Variants in TYW1B observed in about 807,000 individuals in gnomAD.
TYW1B encodes the protein tRNA-yW synthesizing protein 1 homolog B.
TYW1B carries 73 observed loss-of-function variants against 86.9 expected under a neutral mutation model. The ratio of observed to expected loss-of-function variants is 0.84; its 90% CI spans 0.70 to 1.02. The LOEUF is 1.02. Ranked by LOEUF, TYW1B falls within the 50% of genes least tolerant of loss-of-function variation. The pLI, the probability that TYW1B is intolerant of heterozygous loss-of-function variation, is 0.00. For missense variants in TYW1B, 637 were observed against 827.4 expected, an observed-to-expected ratio of 0.77 and a Z score of 2.82; for synonymous variants, 248 against 292.8, an observed-to-expected ratio of 0.85 and a Z score of 1.56.
At chr7:72,614,393 G>T (rs1554436478) in intron 13 of TYW1B, among the ~76,000 whole-genome samples, 2 of 152,158 alleles carry the variant, frequency 1.3e-5, no homozygotes, top group African/African-American at 2.4e-5. Flanking sequence ...AGCACTTTGG[G>T]AGACTGAGAC....
chr7:72,815,238 A>G (rs1230899314), intron 3 of TYW1B, 142 bp downstream of exon 3: 3 of 772,988 alleles, frequency 3.9e-6, no homozygotes, highest in East Asian at 5.7e-5. Flanking sequence ...TCTGATTCAC[A>G]CTGGAATTCA....
At position 72,652,530 on chromosome 7, in the gene TYW1B, T is replaced by C. The variant is rs574814260; in HGVS notation, c.1507-23533A>G. On this transcript the variant is annotated intron_variant, in intron 11 of 13. Transcript: ENST00000620995. ...AGAAGCTAGTCAAAATAAAAGACTA[T>C]ATTGAATGATTGGGAATAGTGGCTA... is the stretch of plus-strand genomic sequence containing the variant. Among the ~76,000 whole-genome samples, 26 of 151,994 alleles carry C rather than the reference T, an allele frequency of 1.7e-4. 1 individual carries two copies. The highest frequency in any genetic ancestry group is 1.9e-4 in the Non-Finnish European group (13 of 67,990).
chr7:72,580,137 A>G (rs1323686764), intron 13 of TYW1B, among the ~76,000 whole-genome samples: 9 of 152,198 alleles, frequency 5.9e-5, no homozygotes, highest in Admixed American at 5.9e-4. Flanking sequence ...AGAGTAAGTT[A>G]TTCTGAAATG....
In TYW1B at chr7:72,728,815, T is replaced by A; in HGVS notation, c.1192+7A>T. The A allele has an allele frequency of 6.2e-7, 1 of 1,610,958 alleles. No individual in the cohort carries two copies. Among genetic ancestry groups the A allele is most frequent in the East Asian group, 2.2e-5 (1 of 44,824 alleles). On this transcript the variant is annotated splice_region_variant and intron_variant, in intron 9 of 13. Coordinates refer to ENST00000620995, the MANE Select transcript of TYW1B (RefSeq NM_001145440.3). Reference sequence around the variant, plus strand: ...TTAGCATTCCTCTGTAGAGGGAAGATAAATACCTTTAAACTGCTTAATCAT... The same window carrying A: ...TTAGCATTCCTCTGTAGAGGGAAGAAAAATACCTTTAAACTGCTTAATCAT...
chr7:72,695,557 T>C (rs1814296096), intron 10 of TYW1B, among the ~76,000 whole-genome samples: 1 of 152,148 alleles, frequency 6.6e-6, no homozygotes, highest in Admixed American at 6.6e-5. Context: ...CATTCCTACC[T>C]ACTAGATTTC....
intron 9 of TYW1B, among the ~76,000 whole-genome samples, chr7:72,727,811 C>CAAAAAAAA (rs10714290): frequency 3.7e-5 from 4 of 107,656 alleles, no homozygotes; most frequent in African/African-American, 7.2e-5. Context: ...AGATCCGGTC[C>CAAAAAAAA]AAAAAAAAAA....
At chr7:72,813,655 C>G (rs1788666516) in intron 3 of TYW1B, among the ~76,000 whole-genome samples, 1 of 152,298 alleles carries the variant, frequency 6.6e-6, no homozygotes, top group African/African-American at 2.4e-5. Flanking sequence ...AATCCCCTAA[C>G]TGGGCATGAC....
intron 11 of TYW1B, among the ~76,000 whole-genome samples, chr7:72,664,341 G>T (rs1293467153): frequency 4.6e-5 from 7 of 151,470 alleles, no homozygotes; most frequent in Non-Finnish European, 8.8e-5. Context: ...CTGTTTCTTA[G>T]ATTTAATGCT....
At chr7:72,799,195 G>A (rs1554475177) in intron 6 of TYW1B, among the ~76,000 whole-genome samples, 2 of 112,948 alleles carry the variant, frequency 1.8e-5, no homozygotes, top group Non-Finnish European at 3.3e-5. Flanking sequence ...GTCTTGCTCT[G>A]TTGCCCAGGC....
intron 13 of TYW1B, among the ~76,000 whole-genome samples, chr7:72,603,476 C>T (rs1170377934): frequency 3.3e-5 from 5 of 152,176 alleles, no homozygotes; most frequent in South Asian, 4.1e-4. Flanking sequence ...GACAAGCCTT[C>T]GGTATGGAAG....
intron 8 of TYW1B, among the ~76,000 whole-genome samples, chr7:72,742,977 T>C (rs1477399458): frequency 5.9e-5 from 9 of 152,076 alleles, no homozygotes; most frequent in African/African-American, 2.2e-4. Flanking sequence ...AGAGAAGAAA[T>C]GTCTAGTCTG....
At chr7:72,738,514 C>T (rs1365748377) in intron 8 of TYW1B, among the ~76,000 whole-genome samples, 5 of 152,130 alleles carry the variant, frequency 3.3e-5, no homozygotes, top group East Asian at 3.9e-4. Context: ...TCCTTTGTTG[C>T]GGAGCACTGT....
rs2129572599 is a variant in TYW1B, at chr7:72,807,136, T to C, written c.653A>G (p.His218Arg). The C allele has an allele frequency of 6.2e-7, 1 of 1,614,058 alleles. No individual in the cohort carries two copies. The highest frequency in any genetic ancestry group is 2.2e-5 in the East Asian group (1 of 44,886). ...CTCCCTCTCCTCTGAGCCATGTTGGTGAGATTCACATTTGCCTTTCTTGCA... is the reference window on the plus strand; with the variant it reads ...CTCCCTCTCCTCTGAGCCATGTTGGCGAGATTCACATTTGCCTTTCTTGCA... The part of the protein sequence containing the change: ...GHCKKGKCES[H>R]QHGSEEREEG... Residue 218 changes from histidine (H) to arginine (R), a missense_variant, in exon 5 of 14, where the codon CAC (histidine) becomes CGC (arginine). Coordinates refer to ENST00000620995, the MANE Select transcript of TYW1B (RefSeq NM_001145440.3).
chr7:72,681,331 A>G (rs1464888331), intron 11 of TYW1B, among the ~76,000 whole-genome samples: 1 of 152,224 alleles, frequency 6.6e-6, no homozygotes, highest in East Asian at 1.9e-4. Context: ...GGCATAACAC[A>G]CATCTTGCCT....
chr7:72,659,944 G>A (rs1813292517), intron 11 of TYW1B, among the ~76,000 whole-genome samples: 1 of 151,940 alleles, frequency 6.6e-6, no homozygotes, highest in Non-Finnish European at 1.5e-5. Flanking sequence ...CTAATCCAGG[G>A]GTCAGTTAAC....
At chr7:72,767,011 T>C (rs1156913092) in intron 7 of TYW1B, among the ~76,000 whole-genome samples, 7 of 152,006 alleles carry the variant, frequency 4.6e-5, no homozygotes, top group Non-Finnish European at 8.8e-5. Context: ...GGAAGAAATG[T>C]AAAAGTTGTC....
chr7:72,599,117 A>T (rs1277061073), intron 13 of TYW1B, among the ~76,000 whole-genome samples: 1 of 152,242 alleles, frequency 6.6e-6, no homozygotes, highest in Non-Finnish European at 1.5e-5. Flanking sequence ...TAATTGCCAT[A>T]AACACAGATG....
At position 72,759,781 on chromosome 7, in the gene TYW1B, C is replaced by T. The variant is rs541159599; in HGVS notation, c.965-15180G>A. On this transcript the variant is annotated intron_variant, in intron 7 of 13. Coordinates refer to ENST00000620995, the MANE Select transcript of TYW1B (RefSeq NM_001145440.3). Reference sequence around the variant, plus strand: ...AAGGGCTTTCAAATTAATGCCTTTACGAATTACAACAGCTCCATGGTAACC... The same window carrying T: ...AAGGGCTTTCAAATTAATGCCTTTATGAATTACAACAGCTCCATGGTAACC... 4.9e-4 allele frequency among the ~76,000 whole-genome samples: 75 copies of T among 152,274 alleles called. No homozygotes were observed. In the Middle Eastern group the frequency reaches 0.017, roughly 35 times the overall value.
intron 11 of TYW1B, among the ~76,000 whole-genome samples, chr7:72,674,797 A>G (rs1813698092): frequency 7.8e-6 from 1 of 128,832 alleles, no homozygotes; most frequent in East Asian, 2.2e-4. Flanking sequence ...GGGTCTTGCC[A>G]TGTTGCCCAG....
Sources: gnomAD v4.1 joint callset for allele counts (sites outside exome capture counted in the v4.1 genomes callset) on GRCh38, gnomAD v4.1.1 for gene constraint, MANE v1.5 for transcripts, NCBI Gene and HGNC (gene_info 2026-07-23, HGNC 2026-07-21) for gene names.